TP53BP1: variants seen among roughly 807,000 people sequenced by gnomAD.
The protein encoded by TP53BP1 is TP53-binding protein 1.
A neutral mutation model predicts 200.8 loss-of-function variants in TP53BP1; 61 were observed. The ratio of observed to expected loss-of-function variants is 0.30; its 90% CI spans 0.25 to 0.38. The LOEUF (loss-of-function observed/expected upper bound fraction) is 0.38. TP53BP1 is among the 10% of genes least tolerant of loss of function. The pLI is 1.00. For missense variants in TP53BP1, 2,144 were observed against 2,371.9 expected, an observed-to-expected ratio of 0.90 and a Z score of 2.00; for synonymous variants, 822 against 844.3, an observed-to-expected ratio of 0.97 and a Z score of 0.46.
intron 15 of TP53BP1, among the ~76,000 whole-genome samples, chr15:43,439,622 TGTTA>T (rs1252041931): frequency 1.3e-5 from 2 of 152,258 alleles, no homozygotes; most frequent in Admixed American, 6.5e-5. Flanking sequence ...TTAGATGATT[TGTTA>T]GAGTGAACAC....
At chr15:43,480,776 C>T (rs549882239) in intron 5 of TP53BP1, 119 bp downstream of exon 5, 2 of 1,132,320 alleles carry the variant, frequency 1.8e-6, no homozygotes, top group East Asian at 2.4e-5. Context: ...TTCTTAATGA[C>T]TCTCAATTTA....
At chr15:43,420,802 T>C (rs1292797078) in intron 20 of TP53BP1, 67 bp from the exon 21 acceptor site, 7 of 1,446,506 alleles carry the variant, frequency 4.8e-6, no homozygotes, top group African/African-American at 2.8e-5. Flanking sequence ...ATCTACCAAT[T>C]TTTCCACTCC....
intron 11 of TP53BP1, among the ~76,000 whole-genome samples, chr15:43,463,933 T>C (rs951578877): frequency 4.6e-5 from 7 of 152,118 alleles, no homozygotes; most frequent in Non-Finnish European, 1.0e-4. Flanking sequence ...CAAAGCCCGC[T>C]TCCATTAATA....
chr15:43,449,320 A>C (rs1371298567), intron 12 of TP53BP1, among the ~76,000 whole-genome samples: 1 of 152,204 alleles, frequency 6.6e-6, no homozygotes, highest in Non-Finnish European at 1.5e-5. Flanking sequence ...GAGATACAGA[A>C]ACTTAAAAAA....
Position 43,406,351 on chromosome 15 carries a change from G to A in TP53BP1, c.*1032C>T. The A allele has an allele frequency of 6.4e-6, 2 of 313,064 alleles. No homozygotes were observed. The highest frequency in any genetic ancestry group is 2.9e-5 in the South Asian group (1 of 34,870). The allele number at this position is 313,064 out of a possible 1,614,324, so 19.4% of individuals were successfully genotyped here. A position where few individuals can be genotyped will look rare whatever the true frequency, so the allele number is the denominator to read the frequency against. ...CATCACTACATATTCTACACACACTGGGAAGCTCTGACAACTTATTCCCTG... is the reference window on the plus strand; with the variant it reads ...CATCACTACATATTCTACACACACTAGGAAGCTCTGACAACTTATTCCCTG... On this transcript the variant is annotated 3_prime_UTR_variant, in exon 28 of 28. Coordinates refer to ENST00000382044, the MANE Select transcript of TP53BP1 (RefSeq NM_001141980.3).
chr15:43,488,700 C>A (rs576007003), intron 4 of TP53BP1, among the ~76,000 whole-genome samples: 1 of 152,106 alleles, frequency 6.6e-6, no homozygotes, highest in Non-Finnish European at 1.5e-5. Context: ...TTAAGACCAG[C>A]CTGGCCAACA....
intron 16 of TP53BP1, 84 bp from the exon 17 acceptor site, chr15:43,432,761 G>A (rs1398803447): frequency 4.5e-5 from 63 of 1,415,712 alleles, no homozygotes; most frequent in Non-Finnish European, 5.7e-6. Context: ...ATGTGTGTGT[G>A]TAGTGGCAAG....
intron 24 of TP53BP1, among the ~76,000 whole-genome samples, chr15:43,411,799 G>A (rs2045124172): frequency 6.6e-6 from 1 of 152,192 alleles, no homozygotes; most frequent in African/African-American, 2.4e-5. Context: ...GGATTTTAAT[G>A]AAACTGGACA....
chr15:43,403,373 A>C lies in TP53BP1; in HGVS notation c.*4010T>G. ...AAGAGCATCCCGGGCAAAGGGAACA[A>C]CACTCACAGCTCAGAGGCAGGAAGA... On this transcript the variant is annotated 3_prime_UTR_variant, in exon 28 of 28. Transcript: ENST00000382044. 1 of 217,348 alleles carries C rather than the reference A, an allele frequency of 4.6e-6. No individual in the cohort carries two copies. The highest frequency in any genetic ancestry group is 1.7e-3 in the Middle Eastern group (1 of 588). The allele number at this position is 217,348 out of a possible 1,614,324, so 13.5% of individuals were successfully genotyped here. A position where few individuals can be genotyped will look rare whatever the true frequency, so the allele number is the denominator to read the frequency against.
intron 14 of TP53BP1, among the ~76,000 whole-genome samples, chr15:43,444,835 T>A (rs752286818): frequency 6.6e-5 from 10 of 152,206 alleles, no homozygotes; most frequent in Non-Finnish European, 1.0e-4. Context: ...AGGGCCTTAA[T>A]TCATCAACTG....
At chr15:43,412,933 G>A (rs1221796147) in intron 24 of TP53BP1, among the ~76,000 whole-genome samples, 186 bp downstream of exon 24, 1 of 152,164 alleles carries the variant, frequency 6.6e-6, no homozygotes, top group East Asian at 1.9e-4. Flanking sequence ...TCACTGAGAG[G>A]AATTTTGTGA....
At chr15:43,481,460 T>TAC (rs61433356) in intron 4 of TP53BP1, among the ~76,000 whole-genome samples, 76,835 of 143,514 alleles carry the variant, frequency 0.54, 20,572 homozygotes, top group East Asian at 0.67. Flanking sequence ...TGTATATAAA[T>TAC]ACACACACAC....
At chr15:43,457,282 T>C in intron 11 of TP53BP1, 64 bp from the exon 12 acceptor site, 1 of 1,337,518 alleles carries the variant, frequency 7.5e-7, no homozygotes. Context: ...TTATATCGAA[T>C]CCTTGGATTC....
upstream of TP53BP1, chr15:43,493,246 C>T (rs1027981325): frequency 8.3e-6 from 12 of 1,444,884 alleles, no homozygotes; most frequent in African/African-American, 7.1e-5. Context: ...TAGGTAGCTG[C>T]GGCAGAGTGC....
intron 14 of TP53BP1, among the ~76,000 whole-genome samples, chr15:43,442,208 C>T (rs1350196663): frequency 6.6e-6 from 1 of 151,408 alleles, no homozygotes; most frequent in African/African-American, 2.4e-5. Flanking sequence ...GCCTCAGCCT[C>T]CCCAGCAGCT....
At chr15:43,505,240 T>C (rs1181743999) in intron 1 of TP53BP1, among the ~76,000 whole-genome samples, 5 of 152,054 alleles carry the variant, frequency 3.3e-5, no homozygotes, top group African/African-American at 1.2e-4. Context: ...ATGAATACTT[T>C]GGGGAAAAAA....
At chr15:43,486,938 T>C (rs973065746) in intron 4 of TP53BP1, among the ~76,000 whole-genome samples, 2 of 152,162 alleles carry the variant, frequency 1.3e-5, no homozygotes, top group African/African-American at 4.8e-5. Flanking sequence ...TAAGCCCTTT[T>C]TAAAGTAAAT....
intron 16 of TP53BP1, among the ~76,000 whole-genome samples, chr15:43,435,173 G>A (rs769804839): frequency 2.7e-4 from 37 of 139,200 alleles, no homozygotes; most frequent in Middle Eastern, 4.2e-3. Flanking sequence ...TGAGGCAGGA[G>A]AATCCCTCGA....
chr15:43,458,502 G>C (rs1295879949), intron 11 of TP53BP1, among the ~76,000 whole-genome samples: 5 of 152,018 alleles, frequency 3.3e-5, no homozygotes, highest in African/African-American at 1.2e-4. Context: ...GGCTCAGCCA[G>C]GGATGGTGGC....
Sources: allele counts gnomAD v4.1 joint callset (sites outside exome capture counted in the v4.1 genomes callset), GRCh38; gene constraint gnomAD v4.1.1; transcripts MANE v1.5; gene names NCBI Gene and HGNC (gene_info 2026-07-23, HGNC 2026-07-21).